ARHGEF26: variants seen among roughly 807,000 people sequenced by gnomAD.
The protein encoded by ARHGEF26 is Rho guanine nucleotide exchange factor 26.
ARHGEF26 carries 59 observed loss-of-function variants against 89.4 expected under a neutral mutation model. That is an observed-to-expected ratio of 0.66 (90% CI 0.54 to 0.82). The LOEUF is 0.82. ARHGEF26 is among the 40% of genes least tolerant of loss of function. ARHGEF26 has a pLI of 0.00. For synonymous variants in ARHGEF26, 500 were observed against 428.4 expected, an observed-to-expected ratio of 1.17 and a Z score of -2.06; for missense variants, 1,234 against 1,085.6, an observed-to-expected ratio of 1.14 and a Z score of -1.92.
chr3:154,206,726 T>C (rs1715040277), intron 9 of ARHGEF26, among the ~76,000 whole-genome samples: 1 of 152,112 alleles, frequency 6.6e-6, no homozygotes, highest in African/African-American at 2.4e-5. Flanking sequence ...ATTATTAAAC[T>C]GCCATTACAT....
rs777575695 is a variant in ARHGEF26 at position 154,122,225 on chromosome 3, A to G, written c.233A>G (p.His78Arg). The change falls in exon 2 of 15, where the codon CAT becomes CGT. Residue 78 changes from histidine to arginine, a missense_variant. By Grantham distance (29) the His-to-Arg change is conservative (BLOSUM62 0). Transcript: ENST00000465093. ...ACCGCCTCGGACAGCAGGACGGTACATAGGAGCCCCCTGCTTCTGGGCGCC... is the reference window on the plus strand; with the variant it reads ...ACCGCCTCGGACAGCAGGACGGTACGTAGGAGCCCCCTGCTTCTGGGCGCC... ...VPTASDSRTV[H>R]RSPLLLGAQR... The G allele has an allele frequency of 1.0e-4, 168 of 1,609,146 alleles. No individual in the cohort carries two copies. The highest frequency in any genetic ancestry group is 1.6e-4 in the Middle Eastern group (1 of 6,078).
At chr3:154,179,365 T>C (rs962140697) in intron 6 of ARHGEF26, among the ~76,000 whole-genome samples, 1 of 152,206 alleles carries the variant, frequency 6.6e-6, no homozygotes, top group African/African-American at 2.4e-5. Flanking sequence ...TTCTCCTTCC[T>C]GCTGATTGCC....
intron 6 of ARHGEF26, among the ~76,000 whole-genome samples, chr3:154,172,070 A>G (rs1712481329): frequency 6.6e-6 from 1 of 152,168 alleles, no homozygotes; most frequent in East Asian, 1.9e-4. Flanking sequence ...ATTTTGTGCC[A>G]TGTCAATGAG....
chr3:154,176,669 G>A (rs559583098), intron 6 of ARHGEF26, among the ~76,000 whole-genome samples: 1 of 152,272 alleles, frequency 6.6e-6, no homozygotes, highest in Non-Finnish European at 1.5e-5. Context: ...TTACGTAGAC[G>A]GTGTTGTATG....
At chr3:154,121,821 T>C (rs1240431873) in intron 1 of ARHGEF26, 121 bp from the exon 2 acceptor site, 2 of 856,666 alleles carry the variant, frequency 2.3e-6, no homozygotes, top group Non-Finnish European at 3.4e-6. Flanking sequence ...AAAGGGCGGG[T>C]AAGTGCGGTG....
chr3:154,151,568 G>A (rs377303549), intron 5 of ARHGEF26, among the ~76,000 whole-genome samples: 2 of 152,086 alleles, frequency 1.3e-5, no homozygotes, highest in East Asian at 3.9e-4. Context: ...TCAATACGCA[G>A]GTTAAATGAG....
rs572424605 is a variant in ARHGEF26, at chr3:154,237,532, A to G, written c.2091-2838A>G. On this transcript the variant is annotated intron_variant, in intron 11 of 14. Transcript: ENST00000465093. The stretch of plus-strand genomic sequence containing the variant: ...ACTCCAGCCTGGGTGACAGAGTGAG[A>G]CTCCGTCACACACACACACACACAC... Among the ~76,000 whole-genome samples, 49 of 130,042 alleles carry G rather than the reference A, an allele frequency of 3.8e-4. 1 individual carries two copies. The South Asian group carries it at 0.012, about 33-fold the overall frequency. 85.3% of individuals were successfully genotyped at this position (130,042 alleles called of 152,430 possible). A position where few individuals can be genotyped will look rare whatever the true frequency, so the allele number is the denominator to read the frequency against.
intron 4 of ARHGEF26, among the ~76,000 whole-genome samples, chr3:154,147,233 C>T (rs894496498): frequency 6.6e-6 from 1 of 152,104 alleles, no homozygotes; most frequent in Non-Finnish European, 1.5e-5. Context: ...GGTGAAACCC[C>T]CTCTCCACTA....
intron 6 of ARHGEF26, among the ~76,000 whole-genome samples, chr3:154,178,627 A>C (rs1482705814): frequency 6.6e-6 from 1 of 152,206 alleles, no homozygotes; most frequent in Non-Finnish European, 1.5e-5. Context: ...CATTTTATTT[A>C]TCCATTCATT....
At chr3:154,238,151 A>T (rs984777176) in intron 11 of ARHGEF26, among the ~76,000 whole-genome samples, 1 of 152,194 alleles carries the variant, frequency 6.6e-6, no homozygotes, top group African/African-American at 2.4e-5. Context: ...ATAGTCTTTT[A>T]AAAAATGACC....
At chr3:154,121,834 G>C (rs1717943305) in intron 1 of ARHGEF26, 108 bp from the exon 2 acceptor site, 3 of 1,020,436 alleles carry the variant, frequency 2.9e-6, no homozygotes, top group Non-Finnish European at 4.2e-6. Context: ...GTGCGGTGCA[G>C]TCGTGTCCTG....
chr3:154,125,001 A>T (rs867118888), intron 3 of ARHGEF26, among the ~76,000 whole-genome samples: 10 of 149,686 alleles, frequency 6.7e-5, no homozygotes, highest in African/African-American at 2.2e-4. Flanking sequence ...AGCAGCTTCA[A>T]CCAGGTGTTC....
intron 6 of ARHGEF26, among the ~76,000 whole-genome samples, chr3:154,162,939 G>C (rs890137134): frequency 6.6e-6 from 1 of 152,140 alleles, no homozygotes; most frequent in Non-Finnish European, 1.5e-5. Context: ...TTGAGCCGCC[G>C]TATTTGTGAT....
chr3:154,195,110 A>AT (rs1359711854), intron 9 of ARHGEF26, among the ~76,000 whole-genome samples: 1 of 152,240 alleles, frequency 6.6e-6, no homozygotes, highest in Non-Finnish European at 1.5e-5. Context: ...GAGGGCAGAC[A>AT]TTAAACAGAG....
chr3:154,146,321 ACCTTGGG>A (rs1559860376), intron 4 of ARHGEF26, among the ~76,000 whole-genome samples: 1 of 152,180 alleles, frequency 6.6e-6, no homozygotes, highest in Non-Finnish European at 1.5e-5. Context: ...TAATACCATC[ACCTTGGG>A]GGTTAGGATT....
intron 10 of ARHGEF26, 105 bp downstream of exon 10, chr3:154,218,063 GGGTCAT>G: frequency 9.2e-7 from 1 of 1,087,336 alleles, no homozygotes; most frequent in Non-Finnish European, 1.3e-6. Context: ...TTTCAAAGAA[GGGTCAT>G]AAATTGCTAA....
intron 12 of ARHGEF26, among the ~76,000 whole-genome samples, chr3:154,245,638 G>T (rs932539793): frequency 1.3e-5 from 2 of 152,182 alleles, no homozygotes; most frequent in South Asian, 4.1e-4. Flanking sequence ...AGTGCTCGCT[G>T]TGTGTGCCAC....
intron 12 of ARHGEF26, among the ~76,000 whole-genome samples, chr3:154,245,311 G>A (rs1717736310): frequency 6.6e-6 from 1 of 152,152 alleles, no homozygotes; most frequent in Non-Finnish European, 1.5e-5. Flanking sequence ...TTACAGGCGT[G>A]AGCCATTGTG....
intron 6 of ARHGEF26, among the ~76,000 whole-genome samples, chr3:154,163,890 T>A (rs1711818337): frequency 6.6e-6 from 1 of 152,086 alleles, no homozygotes; most frequent in Non-Finnish European, 1.5e-5. Context: ...GTGTGTGGAG[T>A]TTGTATTTAT....
Sources: gnomAD v4.1 joint callset for allele counts (sites outside exome capture counted in the v4.1 genomes callset) on GRCh38, gnomAD v4.1.1 for gene constraint, MANE v1.5 for transcripts, NCBI Gene and HGNC (gene_info 2026-07-23, HGNC 2026-07-21) for gene names.